The following NCKAP5 variants were observed in gnomAD, a reference collection of about 807,000 sequenced individuals.
NCKAP5 encodes nck-associated protein 5.
Under a neutral mutation model 167.0 loss-of-function variants are expected in NCKAP5, and 92 were observed. The ratio of observed to expected loss-of-function variants is 0.55; its 90% CI spans 0.47 to 0.66. NCKAP5 has a LOEUF of 0.66. NCKAP5 is among the 30% of genes least tolerant of loss of function. NCKAP5 has a pLI of 0.00. For missense variants in NCKAP5, 2,378 were observed against 2,315.0 expected (o/e 1.03, Z -0.56); for synonymous variants, 891 against 877.4 (o/e 1.02, Z -0.27).
intron 11 of NCKAP5, among the ~76,000 whole-genome samples, chr2:132,814,211 G>T (rs904629941): frequency 2.0e-5 from 3 of 152,134 alleles, no homozygotes; most frequent in African/African-American, 7.2e-5. Flanking sequence ...GGGCTTTGTT[G>T]CTACAGATCT....
At chr2:133,259,818 G>T (rs1183557130) in intron 4 of NCKAP5, among the ~76,000 whole-genome samples, 1 of 152,150 alleles carries the variant, frequency 6.6e-6, no homozygotes, top group Non-Finnish European at 1.5e-5. Context: ...CAGATAATTT[G>T]CTAATTTCTA....
intron 7 of NCKAP5, among the ~76,000 whole-genome samples, chr2:132,966,781 T>G (rs1336810454): frequency 6.6e-6 from 1 of 152,180 alleles, no homozygotes; most frequent in Non-Finnish European, 1.5e-5. Flanking sequence ...CACACATGTA[T>G]TTTATCTGTA....
At chr2:133,035,379 T>C (rs926655230) in intron 6 of NCKAP5, among the ~76,000 whole-genome samples, 1 of 151,932 alleles carries the variant, frequency 6.6e-6, no homozygotes, top group Admixed American at 6.6e-5. Flanking sequence ...CAAGAGAACA[T>C]TAGACTTAAT....
the NCKAP5 span, among the ~76,000 whole-genome samples, chr2:133,635,192 T>G: frequency 3.9e-5 from 6 of 152,148 alleles, no homozygotes; most frequent in African/African-American, 1.4e-4. Flanking sequence ...ATTTTCTAAG[T>G]CTGGCAACTG....
intron 6 of NCKAP5, among the ~76,000 whole-genome samples, chr2:133,067,305 C>T (rs2080232678): frequency 6.6e-6 from 1 of 152,134 alleles, no homozygotes; most frequent in Non-Finnish European, 1.5e-5. Context: ...TAAGATTTTC[C>T]AACTAAGATA....
intron 5 of NCKAP5, among the ~76,000 whole-genome samples, chr2:133,195,718 GA>G (rs536792210): frequency 1.6e-4 from 24 of 152,182 alleles, no homozygotes; most frequent in Admixed American, 1.2e-3. Context: ...AAAAAATTGT[GA>G]CAAATATGCC....
chr2:133,375,360 A>C (rs1686072580), intron 3 of NCKAP5, among the ~76,000 whole-genome samples: 1 of 152,254 alleles, frequency 6.6e-6, no homozygotes, highest in Non-Finnish European at 1.5e-5. Flanking sequence ...AGCCGTATGA[A>C]ATAAACCTGG....
chr2:133,623,576 A>T, the NCKAP5 span, among the ~76,000 whole-genome samples: 1 of 152,174 alleles, frequency 6.6e-6, no homozygotes, highest in Non-Finnish European at 1.5e-5. Flanking sequence ...TTATTAGGGA[A>T]ATGCAAATCA....
At chr2:133,664,065 A>G in the NCKAP5 span, among the ~76,000 whole-genome samples, 1 of 152,194 alleles carries the variant, frequency 6.6e-6, no homozygotes, top group African/African-American at 2.4e-5. Flanking sequence ...GTGTTAACAG[A>G]CATGAAAGCA....
intron 19 of NCKAP5, among the ~76,000 whole-genome samples, chr2:132,710,045 C>T (rs1156424893): frequency 6.6e-6 from 1 of 152,028 alleles, no homozygotes; most frequent in Admixed American, 6.6e-5. Flanking sequence ...TAGGGTTTAT[C>T]TCAAGGATGT....
At chr2:132,869,824 C>T (rs957687862) in intron 9 of NCKAP5, among the ~76,000 whole-genome samples, 23 of 152,166 alleles carry the variant, frequency 1.5e-4, no homozygotes, top group African/African-American at 5.3e-4. Flanking sequence ...GATATTTGGA[C>T]AGAGAAAAGC....
intron 7 of NCKAP5, among the ~76,000 whole-genome samples, chr2:132,991,368 A>T (rs2077442360): frequency 1.3e-5 from 2 of 152,186 alleles, no homozygotes. Flanking sequence ...TTCCCCAATT[A>T]AAAAAAGGTC....
At chr2:132,975,519 C>G (rs1035266455) in intron 7 of NCKAP5, among the ~76,000 whole-genome samples, 1 of 152,134 alleles carries the variant, frequency 6.6e-6, no homozygotes, top group African/African-American at 2.4e-5. Context: ...AAAAAAATAG[C>G]CTCAATTCTA....
chr2:133,179,722 A>T (rs573979679), intron 5 of NCKAP5, among the ~76,000 whole-genome samples: 20 of 152,308 alleles, frequency 1.3e-4, no homozygotes, highest in Admixed American at 6.5e-4. Flanking sequence ...ATACAAGTCA[A>T]TGAGTGGGCT....
At chr2:133,138,498 C>T (rs2082881018) in intron 5 of NCKAP5, among the ~76,000 whole-genome samples, 2 of 152,150 alleles carry the variant, frequency 1.3e-5, no homozygotes, top group South Asian at 4.1e-4. Flanking sequence ...ATATATTGAT[C>T]AACTTCTCAC....
intron 19 of NCKAP5, among the ~76,000 whole-genome samples, chr2:132,679,625 G>A (rs529222490): frequency 9.2e-5 from 14 of 152,288 alleles, no homozygotes; most frequent in Non-Finnish European, 1.8e-4. Flanking sequence ...GAAATAGGAA[G>A]ATGGTGATCC....
chr2:132,901,296 G>A (rs940946017), intron 8 of NCKAP5, among the ~76,000 whole-genome samples: 1 of 152,194 alleles, frequency 6.6e-6, no homozygotes, highest in African/African-American at 2.4e-5. Flanking sequence ...TTCCACTTAG[G>A]TTTTGTGGTA....
At chr2:133,521,926 T>C (rs1009972661) in intron 2 of NCKAP5, among the ~76,000 whole-genome samples, 2 of 152,160 alleles carry the variant, frequency 1.3e-5, no homozygotes, top group African/African-American at 4.8e-5. Flanking sequence ...TAGTGGGGCT[T>C]ATGGTGGCTA....
At chr2:133,637,497 A>AC in the NCKAP5 span, among the ~76,000 whole-genome samples, 1 of 146,272 alleles carries the variant, frequency 6.8e-6, no homozygotes, top group Non-Finnish European at 1.5e-5. Flanking sequence ...AAAAAAAAAA[A>AC]AAACCCAAGA....
Sources: gnomAD v4.1 joint callset for allele counts (sites outside exome capture counted in the v4.1 genomes callset) on GRCh38, gnomAD v4.1.1 for gene constraint, MANE v1.5 for transcripts, NCBI Gene and HGNC (gene_info 2026-07-23, HGNC 2026-07-21) for gene names.